PTPRK: variants seen among roughly 807,000 people sequenced by gnomAD.
PTPRK encodes receptor-type tyrosine-protein phosphatase kappa.
In PTPRK, 75 loss-of-function variants were observed where a neutral mutation model predicts 178.0. The ratio of observed to expected loss-of-function variants is 0.42; its 90% CI spans 0.35 to 0.51. PTPRK has a LOEUF of 0.51. PTPRK is among the 20% of genes least tolerant of loss of function. The pLI is 0.02. For synonymous variants in PTPRK, 637 were observed against 620.6 expected (o/e 1.03, Z -0.39); for missense variants, 1,441 against 1,797.8 (o/e 0.80, Z 3.59).
intron 2 of PTPRK, among the ~76,000 whole-genome samples, chr6:128,355,239 C>T (rs548570426): frequency 1.4e-4 from 21 of 152,228 alleles, no homozygotes; most frequent in South Asian, 6.2e-4. Context: ...AATTATGCAA[C>T]GTCCAAAAGT....
chr6:128,211,878 A>T (rs1488645181), intron 6 of PTPRK, among the ~76,000 whole-genome samples: 1 of 151,982 alleles, frequency 6.6e-6, no homozygotes, highest in African/African-American at 2.4e-5. Flanking sequence ...CAACACTTCT[A>T]TTGCCATCCT....
intron 3 of PTPRK, among the ~76,000 whole-genome samples, chr6:128,265,008 T>C (rs2128294891): frequency 6.6e-6 from 1 of 152,296 alleles, no homozygotes; most frequent in East Asian, 1.9e-4. Flanking sequence ...TGTAAGTCCA[T>C]TAAAGCATTT....
chr6:128,075,123 T>A (rs1232123554), intron 11 of PTPRK, among the ~76,000 whole-genome samples: 2 of 152,034 alleles, frequency 1.3e-5, no homozygotes, highest in African/African-American at 2.4e-5. Context: ...TTACACATCC[T>A]ACTGATCTAA....
intron 1 of PTPRK, among the ~76,000 whole-genome samples, chr6:128,458,694 T>C (rs1848681166): frequency 6.6e-6 from 1 of 152,234 alleles, no homozygotes; most frequent in African/African-American, 2.4e-5. Context: ...TAAGTCATGA[T>C]GTTGTACATC....
intron 3 of PTPRK, among the ~76,000 whole-genome samples, chr6:128,272,072 A>T (rs1327263799): frequency 1.3e-5 from 2 of 152,112 alleles, no homozygotes; most frequent in Non-Finnish European, 2.9e-5. Context: ...CAACCATCTG[A>T]TCTTTGACAA....
At chr6:128,233,717 C>T (rs1453924618) in intron 5 of PTPRK, among the ~76,000 whole-genome samples, 1 of 152,198 alleles carries the variant, frequency 6.6e-6, no homozygotes, top group African/African-American at 2.4e-5. Context: ...AGTGCCAGCA[C>T]CTGCGGCGAT....
chr6:128,021,622 A>AGAGC (rs1291336482), intron 13 of PTPRK, among the ~76,000 whole-genome samples: 4 of 152,204 alleles, frequency 2.6e-5, no homozygotes, highest in African/African-American at 9.6e-5. Flanking sequence ...CCTGGGTATC[A>AGAGC]GAGCGAGACT....
At position 127,986,020 on chromosome 6, in the gene PTPRK, A is replaced by T. The variant is rs567617006; in HGVS notation, c.3097-145T>A. 1.1e-3 allele frequency: 803 copies of T among 699,128 alleles called. 3 individuals carry two copies. In the African/African-American group the frequency reaches 0.014, roughly 12 times the overall value. 43.3% of individuals were successfully genotyped at this position (699,128 alleles called of 1,614,324 possible). ...GACTATGCCTTTTCTTAAAAAAAAA[A>T]TATAATAAAATGAAGGCCTAACATG... is the stretch of plus-strand genomic sequence containing the variant. On this transcript the variant is annotated intron_variant, in intron 21 of 29. Coordinates refer to ENST00000368226, the MANE Select transcript of PTPRK (RefSeq NM_002844.4).
chr6:128,454,011 T>C (rs1848104183), intron 1 of PTPRK, among the ~76,000 whole-genome samples: 1 of 152,124 alleles, frequency 6.6e-6, no homozygotes, highest in African/African-American at 2.4e-5. Flanking sequence ...CAATAACATA[T>C]GGATATATAA....
intron 3 of PTPRK, among the ~76,000 whole-genome samples, chr6:128,248,515 T>G (rs1364891743): frequency 1.3e-5 from 2 of 152,020 alleles, no homozygotes; most frequent in African/African-American, 4.8e-5. Context: ...AAAATGGAAG[T>G]ACATGGCATC....
chr6:128,085,272 G>A (rs1785558831), intron 8 of PTPRK: 1 of 152,250 alleles, frequency 6.6e-6, no homozygotes, highest in Non-Finnish European at 1.5e-5. Context: ...GTACCAGCAA[G>A]GCTGTGCAGC....
chr6:128,356,633 A>T (rs1040025861), intron 2 of PTPRK, among the ~76,000 whole-genome samples: 18 of 152,112 alleles, frequency 1.2e-4, no homozygotes, highest in African/African-American at 3.9e-4. Context: ...TCCATCCTTC[A>T]AGTAATGGCT....
intron 25 of PTPRK, among the ~76,000 whole-genome samples, chr6:127,980,868 TTAC>T (rs1421399464): frequency 1.5e-4 from 23 of 152,146 alleles, no homozygotes; most frequent in Admixed American, 9.8e-4. Context: ...CTTGCAATAT[TTAC>T]TACATGAATA....
At chr6:128,232,415 C>T (rs932566294) in intron 5 of PTPRK, among the ~76,000 whole-genome samples, 11 of 152,168 alleles carry the variant, frequency 7.2e-5, no homozygotes, top group African/African-American at 2.4e-4. Context: ...TAACCTCAGG[C>T]TCAAATGTCT....
intron 3 of PTPRK, among the ~76,000 whole-genome samples, chr6:128,276,007 G>C (rs532541359): frequency 1.4e-4 from 22 of 151,832 alleles, no homozygotes; most frequent in African/African-American, 4.4e-4. Context: ...CTATCAGTAT[G>C]ATGATATATG....
intron 3 of PTPRK, among the ~76,000 whole-genome samples, chr6:128,292,357 T>C (rs544508916): frequency 6.6e-6 from 1 of 152,164 alleles, no homozygotes; most frequent in African/African-American, 2.4e-5. Context: ...ATGCATTTTT[T>C]AAAAAGACTT....
rs971242323 is a variant in PTPRK, at chr6:128,333,240, C to T, written c.224-10930G>A. Among the ~76,000 whole-genome samples, 11 of 152,262 alleles carry T rather than the reference C, an allele frequency of 7.2e-5. No homozygotes were observed. The East Asian group carries it at 2.1e-3, about 29-fold the overall frequency. ...CTAAAAATCATGCTAACAATTCCCA[C>T]CTGTTGTCTGGATATACTTCAACAC... On this transcript the variant is annotated intron_variant, in intron 2 of 29. Coordinates refer to ENST00000368226, the MANE Select transcript of PTPRK (RefSeq NM_002844.4).
Position 128,141,916 on chromosome 6 carries a change from AGCAGATG to A in PTPRK, c.1162+42509_1162+42515del, listed in dbSNP as rs1795822216. 2.0e-5 allele frequency among the ~76,000 whole-genome samples: 3 copies of A among 152,052 alleles called. No homozygotes were observed. The South Asian group carries it at 6.2e-4, about 32-fold the overall frequency. The stretch of plus-strand genomic sequence containing the variant: ...TTTATAAGACTGTTCGTTTTTAAAC[AGCAGATG>A]GTACAATATATTGCCCCATCTAAAT... On this transcript the variant is annotated intron_variant, in intron 7 of 29. Transcript: ENST00000368226.
intron 3 of PTPRK, among the ~76,000 whole-genome samples, chr6:128,270,110 T>C (rs188952794): frequency 1.3e-5 from 2 of 152,248 alleles, no homozygotes; most frequent in Admixed American, 6.6e-5. Flanking sequence ...TAAAACAAGA[T>C]AGCTGTAAAG....
Sources: gnomAD v4.1 joint callset for allele counts (sites outside exome capture counted in the v4.1 genomes callset) on GRCh38, gnomAD v4.1.1 for gene constraint, MANE v1.5 for transcripts, NCBI Gene and HGNC (gene_info 2026-07-23, HGNC 2026-07-21) for gene names.